The following RNF150 variants were observed in gnomAD, a reference collection of about 807,000 sequenced individuals.
RNF150 encodes ring finger protein 150.
RNF150 carries 24 observed loss-of-function variants against 39.3 expected under a neutral mutation model. That is an observed-to-expected ratio of 0.61 (90% CI 0.44 to 0.86). The LOEUF is 0.86. Ranked by LOEUF, RNF150 falls within the 40% of genes least tolerant of loss-of-function variation. The probability of loss-of-function intolerance (pLI) is 0.00; values close to 1 mark genes in which losing one functional copy is unlikely to be tolerated. For missense variants in RNF150, 502 were observed against 587.8 expected (o/e 0.85, Z 1.51); for synonymous variants, 255 against 227.3 (o/e 1.12, Z -1.10).
chr4:140,952,831 C>T (rs941504598), intron 2 of RNF150, among the ~76,000 whole-genome samples: 1 of 152,102 alleles, frequency 6.6e-6, no homozygotes, highest in African/African-American at 2.4e-5. Flanking sequence ...AGAGAAAGTA[C>T]AGTCACGTAT....
intron 1 of RNF150, among the ~76,000 whole-genome samples, chr4:141,050,311 T>C (rs1417399667): frequency 6.6e-6 from 1 of 152,064 alleles, no homozygotes; most frequent in African/African-American, 2.4e-5. Flanking sequence ...AAGCAAACCA[T>C]ATCATTCCAC....
chr4:141,115,496 C>T (rs1739522293), intron 1 of RNF150, among the ~76,000 whole-genome samples: 1 of 152,062 alleles, frequency 6.6e-6, no homozygotes, highest in Admixed American at 6.6e-5. Context: ...TAAGAGAGGA[C>T]ACAAACAAAT....
At chr4:140,883,207 A>G (rs1165420435) in intron 6 of RNF150, among the ~76,000 whole-genome samples, 1 of 152,172 alleles carries the variant, frequency 6.6e-6, no homozygotes, top group Non-Finnish European at 1.5e-5. Context: ...GTTATAAATT[A>G]TATCTTTAGT....
At chr4:141,038,783 A>G (rs1316226019) in intron 1 of RNF150, among the ~76,000 whole-genome samples, 1 of 152,230 alleles carries the variant, frequency 6.6e-6, no homozygotes, top group East Asian at 1.9e-4. Context: ...GACAATGATC[A>G]TAGAAGCAGA....
intron 4 of RNF150, among the ~76,000 whole-genome samples, chr4:140,946,323 T>G (rs1287097984): frequency 2.0e-5 from 3 of 152,214 alleles, no homozygotes; most frequent in Admixed American, 2.0e-4. Flanking sequence ...CTCTTTGTCA[T>G]TTTGGGATTA....
chr4:140,870,019 G>A (rs776884625), intron 6 of RNF150, among the ~76,000 whole-genome samples: 5 of 152,074 alleles, frequency 3.3e-5, no homozygotes, highest in African/African-American at 7.2e-5. Context: ...TCTGATAATC[G>A]CTAATGTAAT....
rs1553938684 is a variant in RNF150 at position 141,027,952 on chromosome 4, T to TTTTTTTTTTTTTTTTTTTTTTTTTTTG, written c.485-60080_485-60079insCAAAAAAAAAAAAAAAAAAAAAAAAAA. On this transcript the variant is annotated intron_variant, in intron 1 of 6. Coordinates refer to ENST00000515673, the MANE Select transcript of RNF150 (RefSeq NM_020724.2). ...TTTTTTTTTTTTTTTTTTTTTTTTT[T>TTTTTTTTTTTTTTTTTTTTTTTTTTTG]CAATCCTGCTGGATCAAGATGTATA... Among the ~76,000 whole-genome samples, 4 of 71,576 alleles carry TTTTTTTTTTTTTTTTTTTTTTTTTTTG rather than the reference T, an allele frequency of 5.6e-5. 1 individual carries two copies. Among genetic ancestry groups the TTTTTTTTTTTTTTTTTTTTTTTTTTTG allele is most frequent in the Admixed American group, 2.0e-4 (1 of 5,004 alleles). The allele number at this position is 71,576 out of a possible 152,430, so 47.0% of individuals were successfully genotyped here.
intron 1 of RNF150, among the ~76,000 whole-genome samples, chr4:141,028,852 C>T (rs1735818176): frequency 6.6e-6 from 1 of 152,062 alleles, no homozygotes; most frequent in Admixed American, 6.6e-5. Context: ...GAGAGTAGAA[C>T]CCACACACTA....
intron 6 of RNF150, 90 bp downstream of exon 6, chr4:140,911,054 T>A (rs1024314938): frequency 3.0e-6 from 3 of 1,005,264 alleles, no homozygotes; most frequent in African/African-American, 1.6e-5. Flanking sequence ...CATTCAATAT[T>A]TTTTTCTTTT....
intron 1 of RNF150, among the ~76,000 whole-genome samples, chr4:141,140,838 A>G (rs1427014510): frequency 1.3e-5 from 2 of 152,224 alleles, no homozygotes. Context: ...TTTCCCTTTT[A>G]TGATGAGGCC....
At chr4:141,204,959 T>C (rs1387826112) in intron 1 of RNF150, among the ~76,000 whole-genome samples, 1 of 152,222 alleles carries the variant, frequency 6.6e-6, no homozygotes, top group Admixed American at 6.5e-5. Context: ...CATCTATTTC[T>C]ATAAATGCAT....
intron 5 of RNF150, among the ~76,000 whole-genome samples, chr4:140,911,802 A>C (rs1398717551): frequency 6.6e-6 from 1 of 152,140 alleles, no homozygotes. Flanking sequence ...TGAGAGTGGG[A>C]GGGAGGATAG....
rs1728526755 is a variant in RNF150, at chr4:140,862,408, G to A, written c.*5853C>T. 1 of 152,236 alleles carries A rather than the reference G, an allele frequency of 6.6e-6. No individual in the cohort carries two copies. The highest frequency in any genetic ancestry group is 2.1e-4 in the South Asian group (1 of 4,832). The allele number at this position is 152,236 out of a possible 1,614,324, so 9.4% of individuals were successfully genotyped here. ...TGATTATGAAGCACTCAAGGCAGGTGAAGAGAGATGTGACTGACCTTAGCA... is the reference window on the plus strand; with the variant it reads ...TGATTATGAAGCACTCAAGGCAGGTAAAGAGAGATGTGACTGACCTTAGCA... On this transcript the variant is annotated 3_prime_UTR_variant, in exon 7 of 7. Coordinates refer to ENST00000515673, the MANE Select transcript of RNF150 (RefSeq NM_020724.2).
intron 6 of RNF150, among the ~76,000 whole-genome samples, chr4:140,871,792 T>G (rs1038795121): frequency 6.6e-6 from 1 of 152,226 alleles, no homozygotes; most frequent in Admixed American, 6.5e-5. Context: ...CACCTTGGTT[T>G]TTTCTAAATG....
chr4:141,034,218 T>C (rs1307364219), intron 1 of RNF150, among the ~76,000 whole-genome samples: 3 of 152,232 alleles, frequency 2.0e-5, no homozygotes, highest in Non-Finnish European at 4.4e-5. Flanking sequence ...CACCTTGCAT[T>C]TTTATGTTTT....
At chr4:141,208,364 GA>G (rs112449771) in intron 1 of RNF150, among the ~76,000 whole-genome samples, 4 of 150,026 alleles carry the variant, frequency 2.7e-5, no homozygotes, top group Non-Finnish European at 3.0e-5. Flanking sequence ...ATTAAGCAAG[GA>G]AAAAAAAAGG....
chr4:140,979,905 T>C (rs906395845), intron 1 of RNF150, among the ~76,000 whole-genome samples: 4 of 152,174 alleles, frequency 2.6e-5, no homozygotes, highest in Non-Finnish European at 5.9e-5. Flanking sequence ...CAATTCATAT[T>C]ACTCTCTTAA....
intron 1 of RNF150, among the ~76,000 whole-genome samples, chr4:140,974,794 G>T (rs1733601610): frequency 6.6e-6 from 1 of 152,078 alleles, no homozygotes; most frequent in African/African-American, 2.4e-5. Flanking sequence ...TCATAAATTT[G>T]TCTTTATTGT....
chr4:140,898,670 A>T (rs2111244660), intron 6 of RNF150, among the ~76,000 whole-genome samples: 1 of 152,356 alleles, frequency 6.6e-6, no homozygotes, highest in African/African-American at 2.4e-5. Context: ...GTATTTATGT[A>T]TCCAACTACA....
Sources: allele counts gnomAD v4.1 joint callset (sites outside exome capture counted in the v4.1 genomes callset), GRCh38; gene constraint gnomAD v4.1.1; transcripts MANE v1.5; gene names NCBI Gene and HGNC (gene_info 2026-07-23, HGNC 2026-07-21).